WNT7B: variants seen among roughly 807,000 people sequenced by gnomAD.
WNT7B encodes the protein Wnt family member 7B, also known as protein Wnt-7b.
WNT7B carries 19 observed loss-of-function variants against 38.2 expected under a neutral mutation model. That is an observed-to-expected ratio of 0.50 (90% CI 0.35 to 0.73). WNT7B has a LOEUF of 0.73. Among genes scored for constraint, WNT7B ranks in the 30% least tolerant of loss-of-function variants. The pLI is 0.01. For missense variants in WNT7B, 423 were observed against 507.9 expected (o/e 0.83, Z 1.61); for synonymous variants, 243 against 209.3 (o/e 1.16, Z -1.39).
In WNT7B at chr22:45,976,810, C is replaced by A. The variant is rs1381117302; in HGVS notation, c.-56G>T. 7.2e-6 allele frequency: 11 copies of A among 1,525,530 alleles called. No individual in the cohort carries two copies. The highest frequency in any genetic ancestry group is 9.7e-6 in the Non-Finnish European group (11 of 1,129,020). The allele number at this position is 1,525,530 out of a possible 1,614,324, so 94.5% of individuals were successfully genotyped here. A position where few individuals can be genotyped will look rare whatever the true frequency, so the allele number is the denominator to read the frequency against. On this transcript the variant is annotated 5_prime_UTR_variant, in exon 1 of 4. Coordinates refer to ENST00000339464, the MANE Select transcript of WNT7B (RefSeq NM_058238.3). The surrounding 1 kb of genome is among the most constrained non-coding windows in gnomAD (Gnocchi z 8.5). ...GCGGCGGCCGGAGGGGACGCGCGGG[C>A]CCGGCAGGGCCGGGCAGGGGCCAGG... is the stretch of plus-strand genomic sequence containing the variant.
chr22:45,930,432 C>G (rs1377847350), intron 3 of WNT7B, among the ~76,000 whole-genome samples: 1 of 152,250 alleles, frequency 6.6e-6, no homozygotes, highest in African/African-American at 2.4e-5. Context: ...GCTGGCCACC[C>G]TATCTCAGGC....
chr22:45,925,423 G>T, intron 3 of WNT7B: 1 of 985,316 alleles, frequency 1.0e-6, no homozygotes, highest in South Asian at 4.7e-5. Context: ...ATGGCAGAGG[G>T]TGGGAGGAGC....
At position 45,935,098 on chromosome 22, in the gene WNT7B, G is replaced by A. The variant is rs145671923; in HGVS notation, c.299-3729C>T. ...GGCAGAAGGGCTGCAGGCTTCCCCC[G>A]TGTCCCTCCCCAAGTCCCTCCTGGG... On this transcript the variant is annotated intron_variant, in intron 2 of 3. Coordinates refer to ENST00000339464, the MANE Select transcript of WNT7B (RefSeq NM_058238.3). Among the ~76,000 whole-genome samples, 311 of 152,254 alleles carry A rather than the reference G, an allele frequency of 2.0e-3. 1 individual carries two copies. The highest frequency in any genetic ancestry group is 7.0e-3 in the African/African-American group (290 of 41,538).
intron 2 of WNT7B, among the ~76,000 whole-genome samples, chr22:45,944,776 T>C (rs927870668): frequency 1.1e-4 from 16 of 152,214 alleles, no homozygotes; most frequent in Admixed American, 1.3e-4. Flanking sequence ...GAATGCAGGC[T>C]GATGAACAAC....
intron 2 of WNT7B, chr22:45,936,059 C>A: frequency 2.0e-6 from 2 of 985,428 alleles, no homozygotes; most frequent in Non-Finnish European, 2.4e-6. Context: ...AATGCCAGAG[C>A]AGACTATATT....
At chr22:45,928,762 G>A (rs1227636716) in intron 3 of WNT7B, among the ~76,000 whole-genome samples, 1 of 152,118 alleles carries the variant, frequency 6.6e-6, no homozygotes, top group African/African-American at 2.4e-5. Context: ...TCCCTGAGTT[G>A]GTCAGTGTCA....
At chr22:45,970,142 T>C (rs1932401602) in intron 1 of WNT7B, among the ~76,000 whole-genome samples, 1 of 152,158 alleles carries the variant, frequency 6.6e-6, no homozygotes, top group Non-Finnish European at 1.5e-5. Flanking sequence ...CGGGAACGTG[T>C]CTGGGTTCCT....
chr22:45,957,180 G>C (rs944202339), intron 1 of WNT7B, among the ~76,000 whole-genome samples: 7 of 151,810 alleles, frequency 4.6e-5, no homozygotes, highest in Non-Finnish European at 1.0e-4. Flanking sequence ...AGTTACCCTT[G>C]GGTGGGTGGC....
At chr22:45,972,116 G>GGCCACCCCCCCCCCCCCCCCCCC in intron 1 of WNT7B, 1 of 530,746 alleles carries the variant, frequency 1.9e-6, no homozygotes, top group Non-Finnish European at 3.3e-6. Flanking sequence ...CCCGGGGGGA[G>GGCCACCCCCCCCCCCCCCCCCCC]CCCACCCGCC....
chr22:45,936,167 AG>A, intron 2 of WNT7B: 1 of 985,412 alleles, frequency 1.0e-6, no homozygotes, highest in South Asian at 4.7e-5. Context: ...CACTGTTTCC[AG>A]TGCAGGCTAT....
At chr22:45,945,370 T>A (rs1257695524) in intron 2 of WNT7B, among the ~76,000 whole-genome samples, 1 of 152,248 alleles carries the variant, frequency 6.6e-6, no homozygotes, top group African/African-American at 2.4e-5. Context: ...TGAGCCACCA[T>A]GCCTGGCTGG....
At chr22:45,932,941 A>G (rs1931412693) in intron 2 of WNT7B, among the ~76,000 whole-genome samples, 1 of 152,260 alleles carries the variant, frequency 6.6e-6, no homozygotes, top group South Asian at 2.1e-4. Flanking sequence ...GCCCGCAGAT[A>G]GAGAGGCAAG....
At chr22:45,959,980 T>A (rs986058683) in intron 1 of WNT7B, among the ~76,000 whole-genome samples, 7 of 152,122 alleles carry the variant, frequency 4.6e-5, no homozygotes, top group Non-Finnish European at 7.4e-5. Flanking sequence ...CCCCCGCAGA[T>A]AACATGGACC....
chr22:45,938,364 C>T (rs1043212661), intron 2 of WNT7B, among the ~76,000 whole-genome samples: 4 of 152,098 alleles, frequency 2.6e-5, no homozygotes, highest in African/African-American at 9.7e-5. Flanking sequence ...TGGCTGGGTG[C>T]TGTGGCTCAC....
At chr22:45,929,218 C>T (rs1168441891) in intron 3 of WNT7B, among the ~76,000 whole-genome samples, 1 of 152,202 alleles carries the variant, frequency 6.6e-6, no homozygotes, top group Non-Finnish European at 1.5e-5. Flanking sequence ...GTAGGTGAAC[C>T]ACACTTTCCT....
At chr22:45,928,010 G>T (rs1002727681) in intron 3 of WNT7B, among the ~76,000 whole-genome samples, 4 of 152,208 alleles carry the variant, frequency 2.6e-5, no homozygotes, top group African/African-American at 9.6e-5. Flanking sequence ...GAGGAATGCT[G>T]CGAGAGCCAG....
rs746340179 is a variant in WNT7B, at chr22:45,929,828, G to A, written c.570+1270C>T. On this transcript the variant is annotated intron_variant, in intron 3 of 3. Coordinates refer to ENST00000339464, the MANE Select transcript of WNT7B (RefSeq NM_058238.3). ...TCTACCCATCCATCTATCTTCCCAT[G>A]CACTCTTCTATACATCCACCCACTC... is the stretch of plus-strand genomic sequence containing the variant. 2.8e-5 allele frequency among the ~76,000 whole-genome samples: 3 copies of A among 105,958 alleles called. No homozygotes were observed. In the South Asian group the frequency reaches 9.6e-4, roughly 34 times the overall value. The allele number at this position is 105,958 out of a possible 152,430, so 69.5% of individuals were successfully genotyped here. A position where few individuals can be genotyped will look rare whatever the true frequency, so the allele number is the denominator to read the frequency against.
chr22:45,977,005 G>A lies in WNT7B; in HGVS notation c.-251C>T, dbSNP rs1460200093. 3 of 985,920 alleles carry A rather than the reference G, an allele frequency of 3.0e-6. No individual in the cohort carries two copies. The African/African-American group carries it at 5.3e-5, about 17-fold the overall frequency. 61.1% of individuals were successfully genotyped at this position (985,920 alleles called of 1,614,324 possible). ...GGGGCCGCGACCTCGAAGCCCGGTT[G>A]AGCGACCGTGGACCCCTGCAAGCGC... is the stretch of plus-strand genomic sequence containing the variant. On this transcript the variant is annotated 5_prime_UTR_variant, in exon 1 of 4. Coordinates refer to ENST00000339464, the MANE Select transcript of WNT7B (RefSeq NM_058238.3).
Position 45,956,185 on chromosome 22 carries a change from G to A in WNT7B, c.72-6039C>T, listed in dbSNP as rs560140594. Among the ~76,000 whole-genome samples, 5 of 152,334 alleles carry A rather than the reference G, an allele frequency of 3.3e-5. No individual in the cohort carries two copies. The South Asian group carries it at 1.0e-3, about 32-fold the overall frequency. ...TGCCTGAGTCTGCAAATTCCTAGCT[G>A]TGAGACTCAGGCAAGTTTCTTAACT... is the stretch of plus-strand genomic sequence containing the variant. On this transcript the variant is annotated intron_variant, in intron 1 of 3. Transcript: ENST00000339464.
Sources: gnomAD v4.1 joint callset for allele counts (sites outside exome capture counted in the v4.1 genomes callset) on GRCh38, gnomAD v4.1.1 for gene constraint, Gnocchi (gnomAD v3.1) non-coding constraint, MANE v1.5 for transcripts, NCBI Gene and HGNC (gene_info 2026-07-23, HGNC 2026-07-21) for gene names.